The following TCTN3 variants were observed in gnomAD, a reference collection of about 807,000 sequenced individuals.
TCTN3 encodes tectonic family member 3.
In TCTN3, 57 loss-of-function variants were observed where a neutral mutation model predicts 71.3. The ratio of observed to expected loss-of-function variants is 0.80; its 90% confidence interval spans 0.65 to 1.00. The LOEUF (loss-of-function observed/expected upper bound fraction) is 1.00. TCTN3 is among the 50% of genes least tolerant of loss of function. The probability of loss-of-function intolerance (pLI) is 0.00; values close to 1 mark genes in which losing one functional copy is unlikely to be tolerated. For synonymous variants in TCTN3, 258 were observed against 267.8 expected, an observed-to-expected ratio of 0.96 and a Z score of 0.36; for missense variants, 696 against 719.9, an observed-to-expected ratio of 0.97 and a Z score of 0.38.
chr10:95,687,613 T>C lies in TCTN3; in HGVS notation c.606A>G (p.Gln202=), dbSNP rs777642622. Residue 202 remains glutamine (Q), a synonymous_variant, in exon 4 of 14, where the codon CAA becomes CAG. Coordinates refer to ENST00000371217, the MANE Select transcript of TCTN3 (RefSeq NM_015631.6). ...GESFTSTFQT[Q]SPPSFYRAGD... is the part of the protein sequence containing the mutation. ...TCACCCTGTAAAAAGATGGTGGTGA[T>C]TGAGTTTGGAATGTTGAAGTGAATG... 2.6e-5 allele frequency: 42 copies of C among 1,614,000 alleles called. No individual in the cohort carries two copies. Among genetic ancestry groups the C allele is most frequent in the East Asian group, 4.5e-5 (2 of 44,894 alleles).
intron 13 of TCTN3, among the ~76,000 whole-genome samples, chr10:95,678,750 TAA>T (rs765569010): frequency 1.8e-4 from 27 of 152,298 alleles, no homozygotes; most frequent in Middle Eastern, 6.8e-3. Flanking sequence ...TTTTATGATA[TAA>T]GTTTCATATA....
Position 95,691,316 on chromosome 10 carries a change from A to G in TCTN3, c.499+1604T>C, listed in dbSNP as rs952541225. ...TACAGGTGCCCACTACCATGCCTGG[A>G]TAATTTTTTGTTTTTTTAGTAGAGA... On this transcript the variant is annotated intron_variant, in intron 3 of 13. Coordinates refer to ENST00000371217, the MANE Select transcript of TCTN3 (RefSeq NM_015631.6). Among the ~76,000 whole-genome samples the G allele has an allele frequency of 9.9e-5, 15 of 151,988 alleles. No homozygotes were observed. The Middle Eastern group carries it at 0.01, about 103-fold the overall frequency.
intron 13 of TCTN3, among the ~76,000 whole-genome samples, chr10:95,672,552 T>G (rs909399810): frequency 6.6e-6 from 1 of 152,136 alleles, no homozygotes; most frequent in Admixed American, 6.6e-5. Flanking sequence ...CTTTTTTGTT[T>G]TAGCCATTCT....
At chr10:95,686,901 TG>T (rs2097948820) in intron 6 of TCTN3, 142 bp downstream of exon 6, 1 of 660,094 alleles carries the variant, frequency 1.5e-6, no homozygotes, top group Admixed American at 2.9e-5. Context: ...TCTTCAGATG[TG>T]GTTTCCAGGC....
At chr10:95,668,255 CAAAAAAAAAA>C in intron 13 of TCTN3, among the ~76,000 whole-genome samples, 1 of 120,116 alleles carries the variant, frequency 8.3e-6, no homozygotes, top group East Asian at 2.5e-4. Context: ...ATAGGAGTGC[CAAAAAAAAAA>C]AAAAAAAGAG....
intron 13 of TCTN3, among the ~76,000 whole-genome samples, chr10:95,672,126 TCTGA>T (rs919799002): frequency 4.0e-5 from 4 of 100,858 alleles, no homozygotes; most frequent in African/African-American, 1.6e-4. Flanking sequence ...GTAACCACTT[TCTGA>T]CTTTTATCAT....
intron 13 of TCTN3, 47 bp downstream of exon 13, chr10:95,680,425 A>T (rs1355172184): frequency 6.4e-7 from 1 of 1,557,034 alleles, no homozygotes. Flanking sequence ...TGATAAGACA[A>T]TCTAGGCTTT....
At chr10:95,678,869 C>T (rs1236476103) in intron 13 of TCTN3, among the ~76,000 whole-genome samples, 1 of 152,132 alleles carries the variant, frequency 6.6e-6, no homozygotes, top group African/African-American at 2.4e-5. Flanking sequence ...AGCATAGCGT[C>T]TTTCATGGGG....
At chr10:95,665,435 T>C (rs1419971964) in intron 13 of TCTN3, among the ~76,000 whole-genome samples, 1 of 152,072 alleles carries the variant, frequency 6.6e-6, no homozygotes, top group Non-Finnish European at 1.5e-5. Context: ...CCCATCACCA[T>C]GCCTAGCTAA....
In TCTN3 at chr10:95,666,864, T is replaced by G. The variant is rs369506365; in HGVS notation, c.1591-2564A>C. On this transcript the variant is annotated intron_variant, in intron 13 of 13. Transcript: ENST00000371217. ...GGATAGTGGTCTCATGATGGAAGAG[T>G]GTGGTATTGAACACTGCTATACACC... Among the ~76,000 whole-genome samples the G allele has an allele frequency of 3.4e-4, 51 of 152,152 alleles. No homozygotes were observed. In the South Asian group the frequency reaches 5.2e-3, roughly 15 times the overall value.
chr10:95,678,099 A>G (rs2097939206), intron 13 of TCTN3, among the ~76,000 whole-genome samples: 1 of 152,194 alleles, frequency 6.6e-6, no homozygotes, highest in Admixed American at 6.5e-5. Context: ...AAACTTTCAA[A>G]CAGTGTCCAG....
intron 13 of TCTN3, among the ~76,000 whole-genome samples, chr10:95,677,745 C>T (rs1000185704): frequency 3.3e-5 from 5 of 151,908 alleles, no homozygotes; most frequent in Admixed American, 6.6e-5. Context: ...TGGTGAAGGG[C>T]GGGTTGGCTT....
rs1426983939 is a variant in TCTN3, at chr10:95,685,650, G to A, written c.889-14C>T. 7.8e-6 allele frequency: 12 copies of A among 1,546,168 alleles called. No individual in the cohort carries two copies. In the South Asian group the frequency reaches 1.4e-4, roughly 18 times the overall value. ...AGGAACCTGGAACTAGCAACGAAAA[G>A]AAGCAAATTAACTAAAACTGAAGGC... is the stretch of plus-strand genomic sequence containing the variant. On this transcript the variant is annotated splice_polypyrimidine_tract_variant and intron_variant, in intron 7 of 13. Coordinates refer to ENST00000371217, the MANE Select transcript of TCTN3 (RefSeq NM_015631.6).
chr10:95,679,687 G>T, intron 13 of TCTN3, among the ~76,000 whole-genome samples: 1 of 147,242 alleles, frequency 6.8e-6, no homozygotes, highest in Admixed American at 7.0e-5. Flanking sequence ...CGCCTCTCGG[G>T]TTCACGCCAT....
At chr10:95,693,254 A>G in intron 2 of TCTN3, 99 bp downstream of exon 2, 1 of 1,503,820 alleles carries the variant, frequency 6.6e-7, no homozygotes, top group Non-Finnish European at 8.9e-7. Flanking sequence ...GAGTGGAAGT[A>G]CGGGTGGGAG....
intron 13 of TCTN3, among the ~76,000 whole-genome samples, chr10:95,668,115 A>G (rs912420462): frequency 6.6e-6 from 1 of 152,142 alleles, no homozygotes; most frequent in Non-Finnish European, 1.5e-5. Flanking sequence ...GATGGCCAAA[A>G]TAAAAAATTC....
At chr10:95,683,697 T>C in intron 9 of TCTN3, 68 bp from the exon 10 acceptor site, 1 of 1,388,154 alleles carries the variant, frequency 7.2e-7, no homozygotes, top group Non-Finnish European at 9.9e-7. Context: ...ACTGCTTGGC[T>C]TCACCGTACC....
chr10:95,692,410 G>T (rs546811866), intron 3 of TCTN3, among the ~76,000 whole-genome samples: 3 of 152,214 alleles, frequency 2.0e-5, no homozygotes, highest in Non-Finnish European at 2.9e-5. Flanking sequence ...GGAAGCTAAG[G>T]CAGGAGAATC....
At chr10:95,678,762 A>G (rs887715022) in intron 13 of TCTN3, among the ~76,000 whole-genome samples, 15 of 152,202 alleles carry the variant, frequency 9.9e-5, no homozygotes, top group Non-Finnish European at 1.3e-4. Flanking sequence ...AGTTTCATAT[A>G]AGTATGAAAT....
Sources: allele counts gnomAD v4.1 joint callset (sites outside exome capture counted in the v4.1 genomes callset), GRCh38; gene constraint gnomAD v4.1.1; transcripts MANE v1.5; gene names NCBI Gene and HGNC (gene_info 2026-07-23, HGNC 2026-07-21).